BCL2: variants seen among roughly 807,000 people sequenced by gnomAD.
BCL2 encodes BCL2 apoptosis regulator.
Under a neutral mutation model 14.2 loss-of-function variants are expected in BCL2, and 1 was observed. That is an observed-to-expected ratio of 0.07 (90% confidence interval 0.02 to 0.33). The LOEUF is 0.33. Ranked by LOEUF, BCL2 falls within the 10% of genes least tolerant of loss-of-function variation. The pLI is 0.99. For synonymous variants in BCL2, 151 were observed against 137.2 expected, an observed-to-expected ratio of 1.10 and a Z score of -0.70; for missense variants, 247 against 305.9, an observed-to-expected ratio of 0.81 and a Z score of 1.44.
At chr18:63,185,462 CAAG>C (rs1641355518) in intron 2 of BCL2, among the ~76,000 whole-genome samples, 1 of 152,166 alleles carries the variant, frequency 6.6e-6, no homozygotes, top group South Asian at 2.1e-4. Flanking sequence ...TGAGAAGAGA[CAAG>C]AAGAAGAAAA....
At chr18:63,183,599 C>T (rs1238537866) in intron 2 of BCL2, among the ~76,000 whole-genome samples, 1 of 152,136 alleles carries the variant, frequency 6.6e-6, no homozygotes, top group Admixed American at 6.5e-5. Context: ...TCAAAGACAA[C>T]AAGAAGTAAA....
intron 2 of BCL2, among the ~76,000 whole-genome samples, chr18:63,176,876 C>T (rs1485751443): frequency 2.0e-5 from 3 of 151,994 alleles, no homozygotes; most frequent in African/African-American, 4.8e-5. Context: ...CTCTCTTTAT[C>T]ACCTCCCAAC....
At chr18:63,279,077 C>T (rs1912237084) in intron 2 of BCL2, among the ~76,000 whole-genome samples, 1 of 152,122 alleles carries the variant, frequency 6.6e-6, no homozygotes, top group African/African-American at 2.4e-5. Flanking sequence ...ATATAAAAGA[C>T]AAATGATACA....
chr18:63,144,923 G>A lies in BCL2; in HGVS notation c.586-16164C>T, dbSNP rs574476419. Among the ~76,000 whole-genome samples the A allele has an allele frequency of 3.3e-5, 5 of 152,344 alleles. No homozygotes were observed. In the East Asian group the frequency reaches 7.7e-4, roughly 23 times the overall value. Reference sequence around the variant, plus strand: ...GTGCAAGGCTGGATCCCACGGGAACGTGTGCGGCACACTCTGGAAGCCCTT... The same window carrying A: ...GTGCAAGGCTGGATCCCACGGGAACATGTGCGGCACACTCTGGAAGCCCTT... On this transcript the variant is annotated intron_variant, in intron 2 of 2. Coordinates refer to ENST00000333681, the MANE Select transcript of BCL2 (RefSeq NM_000633.3).
At chr18:63,307,243 T>TC (rs911480908) in intron 2 of BCL2, among the ~76,000 whole-genome samples, 1 of 152,222 alleles carries the variant, frequency 6.6e-6, no homozygotes, top group Non-Finnish European at 1.5e-5. Flanking sequence ...ATATTAAATT[T>TC]CCCCATATTC....
chr18:63,181,953 TG>T (rs1915488913), intron 2 of BCL2, among the ~76,000 whole-genome samples: 1 of 152,200 alleles, frequency 6.6e-6, no homozygotes, highest in Admixed American at 6.5e-5. Context: ...GTCCTTTTGC[TG>T]GGGATCTCCA....
chr18:63,279,036 A>C (rs1339738177), intron 2 of BCL2, among the ~76,000 whole-genome samples: 1 of 152,206 alleles, frequency 6.6e-6, no homozygotes, highest in African/African-American at 2.4e-5. Context: ...CATTCATATA[A>C]CTCAATTCCA....
At chr18:63,137,330 A>G (rs1360109559) in intron 2 of BCL2, among the ~76,000 whole-genome samples, 2 of 152,170 alleles carry the variant, frequency 1.3e-5, no homozygotes, top group East Asian at 3.8e-4. Context: ...TGCCTTCCCC[A>G]TTCAACTATT....
At chr18:63,274,635 A>G (rs1343638499) in intron 2 of BCL2, among the ~76,000 whole-genome samples, 2 of 152,102 alleles carry the variant, frequency 1.3e-5, no homozygotes, top group East Asian at 3.8e-4. Flanking sequence ...GGATATGCAC[A>G]AAGATCAATT....
chr18:63,269,289 A>T (rs1488829668), intron 2 of BCL2, among the ~76,000 whole-genome samples: 1 of 152,154 alleles, frequency 6.6e-6, no homozygotes, highest in Non-Finnish European at 1.5e-5. Flanking sequence ...ATGGACTTAC[A>T]GTTTTAAAAT....
At chr18:63,216,762 A>C (rs1910216609) in intron 2 of BCL2, among the ~76,000 whole-genome samples, 1 of 152,228 alleles carries the variant, frequency 6.6e-6, no homozygotes, top group African/African-American at 2.4e-5. Context: ...TGCCTCAAAG[A>C]AACACTGGGA....
chr18:63,266,637 T>TCACACACACACA (rs1240438012), intron 2 of BCL2, among the ~76,000 whole-genome samples: 15 of 85,934 alleles, frequency 1.7e-4, no homozygotes, highest in African/African-American at 5.1e-4. Flanking sequence ...TCTCTCTCTC[T>TCACACACACACA]CACACACACA....
At chr18:63,314,199 T>C (rs1235610943) in intron 2 of BCL2, 3 of 152,212 alleles carry the variant, frequency 2.0e-5, no homozygotes, top group Non-Finnish European at 4.4e-5. Flanking sequence ...ATGAAATATA[T>C]TATTTAAGAC....
At chr18:63,139,898 T>C (rs79830620) in intron 2 of BCL2, among the ~76,000 whole-genome samples, 2,201 of 152,348 alleles carry the variant, frequency 0.014, 59 homozygotes, top group African/African-American at 0.05. Context: ...TTTATGATAT[T>C]GTGTTGGACA....
At chr18:63,240,725 G>A (rs1430419077) in intron 2 of BCL2, among the ~76,000 whole-genome samples, 1 of 152,198 alleles carries the variant, frequency 6.6e-6, no homozygotes, top group African/African-American at 2.4e-5. Flanking sequence ...AACTACCACA[G>A]CAATTTAGCT....
chr18:63,314,466 C>T (rs1219060629), intron 2 of BCL2: 1 of 152,176 alleles, frequency 6.6e-6, no homozygotes, highest in Non-Finnish European at 1.5e-5. Context: ...CCTAAACCAC[C>T]AACACCAAAA....
intron 2 of BCL2, among the ~76,000 whole-genome samples, chr18:63,133,975 C>T (rs760674933): frequency 9.2e-5 from 14 of 152,108 alleles, no homozygotes; most frequent in Non-Finnish European, 1.6e-4. Flanking sequence ...TAGTTATTGG[C>T]AAGAAATTGT....
intron 2 of BCL2, among the ~76,000 whole-genome samples, chr18:63,173,058 C>T (rs1915264165): frequency 6.6e-6 from 1 of 152,204 alleles, no homozygotes; most frequent in Non-Finnish European, 1.5e-5. Flanking sequence ...CCTTTCAAAA[C>T]CACAAAAAGT....
chr18:63,183,279 G>A (rs1434065227), intron 2 of BCL2, among the ~76,000 whole-genome samples: 1 of 152,162 alleles, frequency 6.6e-6, no homozygotes, highest in South Asian at 2.1e-4. Context: ...TAGCAGTGAG[G>A]GAGAGAAAGA....
Sources: gnomAD v4.1 joint callset for allele counts (sites outside exome capture counted in the v4.1 genomes callset) on GRCh38, gnomAD v4.1.1 for gene constraint, MANE v1.5 for transcripts, NCBI Gene and HGNC (gene_info 2026-07-23, HGNC 2026-07-21) for gene names.